ZNF385D: variants seen among roughly 807,000 people sequenced by gnomAD.
ZNF385D encodes the protein zinc finger protein 385D.
In ZNF385D, 15 loss-of-function variants were observed where a neutral mutation model predicts 35.8. The ratio of observed to expected loss-of-function variants is 0.42; its 90% CI spans 0.28 to 0.64. ZNF385D has a LOEUF of 0.64. Ranked by LOEUF, ZNF385D falls within the 30% of genes least tolerant of loss-of-function variation. The pLI, the probability that ZNF385D is intolerant of heterozygous loss-of-function variation, is 0.23. For synonymous variants in ZNF385D, 212 were observed against 186.8 expected (o/e 1.13, Z -1.10); for missense variants, 474 against 494.6 (o/e 0.96, Z 0.39).
chr3:21,798,094 A>G (rs963827130), intron 3 of ZNF385D, among the ~76,000 whole-genome samples: 2 of 152,104 alleles, frequency 1.3e-5, no homozygotes, highest in African/African-American at 4.8e-5. Context: ...CTGGTGGGGG[A>G]TTTTGATAAT....
chr3:22,123,429 C>A lies in ZNF385D; in HGVS notation c.325+45388G>T, dbSNP rs185046994. The stretch of plus-strand genomic sequence containing the variant: ...TATATATTTATAAAATATTTTGATA[C>A]AAGCATAAAATGTGTAATCACACCA... On this transcript the variant is annotated intron_variant, in intron 3 of 5. Coordinates refer to the ZNF385D transcript ENST00000494108. Among the ~76,000 whole-genome samples, 18 of 152,110 alleles carry A rather than the reference C, an allele frequency of 1.2e-4. No homozygotes were observed. The East Asian group carries it at 3.5e-3, about 29-fold the overall frequency.
intron 2 of ZNF385D, among the ~76,000 whole-genome samples, chr3:22,340,560 C>T (rs538617107): frequency 2.6e-5 from 4 of 152,228 alleles, no homozygotes; most frequent in Non-Finnish European, 4.4e-5. Flanking sequence ...GCAGGAGAAT[C>T]GCTTGAACCT....
At chr3:22,198,338 CAT>C (rs1696557487) in intron 2 of ZNF385D, among the ~76,000 whole-genome samples, 2 of 152,120 alleles carry the variant, frequency 1.3e-5, no homozygotes, top group South Asian at 2.1e-4. Context: ...GCAGCAAAAA[CAT>C]ATTAGGATTG....
chr3:22,013,212 G>A (rs1008632394), intron 3 of ZNF385D, among the ~76,000 whole-genome samples: 10 of 151,984 alleles, frequency 6.6e-5, no homozygotes, highest in Non-Finnish European at 5.9e-5. Flanking sequence ...TACATAAAGT[G>A]CAAACCTCTA....
intron 1 of ZNF385D, among the ~76,000 whole-genome samples, chr3:21,706,728 G>T (rs12495840): frequency 6.6e-6 from 1 of 152,064 alleles, no homozygotes; most frequent in African/African-American, 2.4e-5. Context: ...TGTACATGAA[G>T]GCATCTGTTA....
chr3:22,145,753 G>T (rs980525703), intron 3 of ZNF385D, among the ~76,000 whole-genome samples: 1 of 152,140 alleles, frequency 6.6e-6, no homozygotes, highest in Non-Finnish European at 1.5e-5. Context: ...ATTTATACCA[G>T]GAAATGATGC....
intron 2 of ZNF385D, among the ~76,000 whole-genome samples, chr3:22,309,148 T>A (rs545493565): frequency 7.2e-5 from 11 of 152,074 alleles, no homozygotes; most frequent in Non-Finnish European, 1.3e-4. Context: ...AGCCCCTGTG[T>A]TAATCTCCAG....
intron 2 of ZNF385D, among the ~76,000 whole-genome samples, chr3:22,195,673 G>C (rs1696366057): frequency 6.6e-6 from 1 of 151,982 alleles, no homozygotes; most frequent in Non-Finnish European, 1.5e-5. Flanking sequence ...GACGATGCCA[G>C]TTGTATTGAT....
chr3:22,307,695 C>T (rs896943539), intron 2 of ZNF385D, among the ~76,000 whole-genome samples: 6 of 150,094 alleles, frequency 4.0e-5, no homozygotes, highest in African/African-American at 1.2e-4. Context: ...CTTGTTTGTT[C>T]GTTTAAAATA....
chr3:22,036,727 T>C (rs566407078), intron 3 of ZNF385D, among the ~76,000 whole-genome samples: 5 of 149,024 alleles, frequency 3.4e-5, no homozygotes, highest in Admixed American at 3.4e-4. Context: ...TTTTTTTTTT[T>C]ATACTCTAAG....
intron 2 of ZNF385D, among the ~76,000 whole-genome samples, chr3:21,637,103 ATTAAGTCCCACCTAT>A (rs1464416769): frequency 1.3e-5 from 2 of 152,054 alleles, no homozygotes; most frequent in Non-Finnish European, 2.9e-5. Flanking sequence ...CTTCATTTTA[ATTAAGTCCCACCTAT>A]TTATCTTTGC....
At chr3:21,895,870 AAG>A (rs1459563514) in intron 3 of ZNF385D, among the ~76,000 whole-genome samples, 1 of 152,148 alleles carries the variant, frequency 6.6e-6, no homozygotes, top group African/African-American at 2.4e-5. Flanking sequence ...GGAAAGGAAA[AAG>A]AGTCTATGAA....
intron 4 of ZNF385D, among the ~76,000 whole-genome samples, chr3:21,501,634 C>T: frequency 6.6e-6 from 1 of 152,176 alleles, no homozygotes; most frequent in South Asian, 2.1e-4. Context: ...ACTCATTTGA[C>T]ATTCTGTCAT....
At chr3:22,124,574 G>A (rs1008853351) in intron 3 of ZNF385D, among the ~76,000 whole-genome samples, 8 of 151,890 alleles carry the variant, frequency 5.3e-5, no homozygotes, top group Admixed American at 2.6e-4. Context: ...CCACATTCTC[G>A]CCAGAATTCA....
chr3:21,514,971 T>C (rs982620642), intron 3 of ZNF385D, among the ~76,000 whole-genome samples: 1 of 152,156 alleles, frequency 6.6e-6, no homozygotes, highest in Non-Finnish European at 1.5e-5. Flanking sequence ...ACATTAAAGA[T>C]ATGCACACAC....
At chr3:22,327,088 G>A (rs1203150937) in intron 2 of ZNF385D, among the ~76,000 whole-genome samples, 1 of 152,124 alleles carries the variant, frequency 6.6e-6, no homozygotes, top group South Asian at 2.1e-4. Flanking sequence ...AAATGAAAAA[G>A]TGCAAGAAAT....
At chr3:22,336,228 C>A (rs894747913) in intron 2 of ZNF385D, among the ~76,000 whole-genome samples, 5 of 152,066 alleles carry the variant, frequency 3.3e-5, no homozygotes, top group Admixed American at 1.3e-4. Context: ...TTAAACAAAG[C>A]CGCATTCCAT....
chr3:22,144,240 A>G (rs1487161768), intron 3 of ZNF385D, among the ~76,000 whole-genome samples: 2 of 152,202 alleles, frequency 1.3e-5, no homozygotes, highest in African/African-American at 2.4e-5. Flanking sequence ...CAGGACAAAT[A>G]TAGGTTTAAA....
chr3:21,496,475 C>CACATATATTTGATATATATATCATAT (rs1705880360), intron 4 of ZNF385D, among the ~76,000 whole-genome samples: 1 of 118,384 alleles, frequency 8.4e-6, no homozygotes, highest in African/African-American at 3.0e-5. Context: ...CATATATATA[C>CACATATATTTGATATATATATCATAT]ATATATACAC....
Sources: allele counts gnomAD v4.1 joint callset (sites outside exome capture counted in the v4.1 genomes callset), GRCh38; gene constraint gnomAD v4.1.1; transcripts MANE v1.5; gene names NCBI Gene and HGNC (gene_info 2026-07-23, HGNC 2026-07-21).